Variants in CARF observed in about 807,000 individuals in gnomAD.
CARF encodes calcium responsive transcription factor.
In CARF, 57 loss-of-function variants were observed where a neutral mutation model predicts 82.0. The ratio of observed to expected loss-of-function variants is 0.70; its 90% confidence interval spans 0.56 to 0.87. The LOEUF is 0.87. Ranked by LOEUF, CARF falls within the 40% of genes least tolerant of loss-of-function variation. The pLI, the probability that CARF is intolerant of heterozygous loss-of-function variation, is 0.00. For synonymous variants in CARF, 268 were observed against 290.1 expected, an observed-to-expected ratio of 0.92 and a Z score of 0.77; for missense variants, 771 against 855.8, an observed-to-expected ratio of 0.90 and a Z score of 1.24.
Position 202,967,042 on chromosome 2 carries a change from A to T in CARF, c.897A>T (p.Lys299Asn), listed in dbSNP as rs371279548. Residue 299 changes from lysine (K) to asparagine (N), a missense_variant, in exon 10 of 17, where the codon AAA (lysine) becomes AAT (asparagine). Coordinates refer to ENST00000438828, the MANE Select transcript of CARF (RefSeq NM_024744.17). ...GPRRKGFQLK[K>N]VSEQESRSCQ... ...GAAGAAAAGGTTTCCAGTTAAAAAA[A>T]GTCAGTGAGCAGGAAAGCAGGTCTT... 2.5e-5 allele frequency: 40 copies of T among 1,614,128 alleles called. No individual in the cohort carries two copies. The highest frequency in any genetic ancestry group is 3.3e-5 in the Non-Finnish European group (39 of 1,180,010).
At chr2:202,940,827 A>G (rs2058195757) in intron 3 of CARF, among the ~76,000 whole-genome samples, 1 of 151,656 alleles carries the variant, frequency 6.6e-6, no homozygotes, top group Non-Finnish European at 1.5e-5. Context: ...GGGGGAGGGG[A>G]GGGCGGTCAC....
At chr2:202,969,323 C>G (rs142430256) in intron 10 of CARF, among the ~76,000 whole-genome samples, 198 of 152,182 alleles carry the variant, frequency 1.3e-3, no homozygotes, top group African/African-American at 4.6e-3. Context: ...TGCCTGTAAT[C>G]CCAGCACTTC....
At chr2:202,918,730 T>G (rs1388677327) in intron 2 of CARF, among the ~76,000 whole-genome samples, 1 of 152,136 alleles carries the variant, frequency 6.6e-6, no homozygotes, top group Admixed American at 6.5e-5. Flanking sequence ...AGGTAATACT[T>G]TTCACTGCAT....
rs1421584541 is a variant in CARF, at chr2:202,982,267, G to A, written c.1885G>A (p.Ala629Thr). Residue 629 changes from alanine to threonine, a missense_variant, in exon 16 of 17, where the codon GCC becomes ACC. Ala to Thr is a moderately conservative substitution (Grantham distance 58). Transcript: ENST00000438828. ...ATGCTTAACCCAAAACAATAGTACT[G>A]CCTCCACCATGGGTAACCTTCCAGA... is the stretch of plus-strand genomic sequence containing the variant. Reference protein sequence around the residue: ...DTCLTQNNSTASTMGNLPEPD... With the variant: ...DTCLTQNNSTTSTMGNLPEPD... 1 of 1,614,122 alleles carries A rather than the reference G, an allele frequency of 6.2e-7. No individual in the cohort carries two copies. The highest frequency in any genetic ancestry group is 8.5e-7 in the Non-Finnish European group (1 of 1,180,002).
rs2058285317 is a variant in CARF at position 202,942,671 on chromosome 2, AT to A, written c.79-64del. Reference sequence around the variant, plus strand: ...ACAACTGAAAAATGGATGTCTTTTCATTTTTATTATACACATCTTTAAAAAA... The same window carrying A: ...ACAACTGAAAAATGGATGTCTTTTCATTTTATTATACACATCTTTAAAAAA... On this transcript the variant is annotated intron_variant, in intron 4 of 16. Transcript: ENST00000438828. The A allele has an allele frequency of 2.4e-6, 3 of 1,238,004 alleles. No individual in the cohort carries two copies. In the East Asian group the frequency reaches 7.6e-5, roughly 31 times the overall value. 76.7% of individuals were successfully genotyped at this position (1,238,004 alleles called of 1,614,324 possible).
At chr2:202,963,383 G>A (rs1414612875) in intron 9 of CARF, among the ~76,000 whole-genome samples, 1 of 150,874 alleles carries the variant, frequency 6.6e-6, no homozygotes, top group Non-Finnish European at 1.5e-5. Context: ...GAATTTTTTT[G>A]GACCAGGTAT....
intron 3 of CARF, among the ~76,000 whole-genome samples, chr2:202,935,862 G>A (rs1445924994): frequency 1.3e-5 from 2 of 152,008 alleles, no homozygotes; most frequent in Admixed American, 1.3e-4. Flanking sequence ...TGTTGCACAC[G>A]CTGAATTGCA....
At position 202,974,611 on chromosome 2, in the gene CARF, A is replaced by G. The variant is rs189061736; in HGVS notation, c.1494+115A>G. The G allele has an allele frequency of 2.3e-5, 23 of 1,004,558 alleles. No homozygotes were observed. The East Asian group carries it at 5.8e-4, about 25-fold the overall frequency. The allele number at this position is 1,004,558 out of a possible 1,614,324, so 62.2% of individuals were successfully genotyped here. A position where few individuals can be genotyped will look rare whatever the true frequency, so the allele number is the denominator to read the frequency against. On this transcript the variant is annotated intron_variant, in intron 13 of 16. Coordinates refer to ENST00000438828, the MANE Select transcript of CARF (RefSeq NM_024744.17). ...CTGAATAACTGCAATATAAGCAAAT[A>G]CAATAGGCCGGGCGTGGTGGCTCAT...
intron 2 of CARF, among the ~76,000 whole-genome samples, chr2:202,921,633 A>G (rs566000079): frequency 6.6e-6 from 1 of 152,264 alleles, no homozygotes; most frequent in South Asian, 2.1e-4. Flanking sequence ...AGTCACTTGG[A>G]TGTGTAGTAA....
chr2:202,930,146 C>T (rs1459145525), intron 3 of CARF, among the ~76,000 whole-genome samples: 2 of 152,096 alleles, frequency 1.3e-5, no homozygotes, highest in African/African-American at 4.8e-5. Context: ...CTCCTGGGCT[C>T]AAGCGATTCT....
chr2:202,980,407 TGA>T (rs2060199638), intron 14 of CARF, among the ~76,000 whole-genome samples: 1 of 151,624 alleles, frequency 6.6e-6, no homozygotes, highest in Non-Finnish European at 1.5e-5. Context: ...TATACCAAAA[TGA>T]GTTATTGAAA....
At chr2:202,927,800 CTTTTTT>C (rs766636748) in intron 3 of CARF, among the ~76,000 whole-genome samples, 1 of 138,052 alleles carries the variant, frequency 7.2e-6, no homozygotes, top group African/African-American at 2.6e-5. Flanking sequence ...ATCTAGCTGT[CTTTTTT>C]TTTTTTTTTT....
At chr2:202,948,856 T>G (rs2058624291) in intron 5 of CARF, among the ~76,000 whole-genome samples, 1 of 152,178 alleles carries the variant, frequency 6.6e-6, no homozygotes, top group Non-Finnish European at 1.5e-5. Context: ...CTTGCCTGAT[T>G]GCTTTGGCCG....
At chr2:202,976,924 G>C (rs1266281490) in intron 13 of CARF, among the ~76,000 whole-genome samples, 1 of 151,976 alleles carries the variant, frequency 6.6e-6, no homozygotes, top group Non-Finnish European at 1.5e-5. Flanking sequence ...TGCCCAGGCT[G>C]GTCTCAAACT....
At chr2:202,981,506 T>C in intron 14 of CARF, 49 bp from the exon 15 acceptor site, 1 of 1,308,488 alleles carries the variant, frequency 7.6e-7, no homozygotes. Context: ...TTTTATGACT[T>C]CATAGAAGCC....
At chr2:202,968,116 A>C (rs1211995203) in intron 10 of CARF, among the ~76,000 whole-genome samples, 1 of 152,154 alleles carries the variant, frequency 6.6e-6, no homozygotes, top group Non-Finnish European at 1.5e-5. Flanking sequence ...ATACCTTAGC[A>C]TTCTTGGCCG....
Position 202,967,435 on chromosome 2 carries a change from C to G in CARF, c.953+337C>G, listed in dbSNP as rs1414089061. On this transcript the variant is annotated intron_variant, in intron 10 of 16. Coordinates refer to ENST00000438828, the MANE Select transcript of CARF (RefSeq NM_024744.17). ...TGTACCTTTTTTCTTGATATGAATTCACATAGATTTATTCTCAATCTGAAT... is the reference window on the plus strand; with the variant it reads ...TGTACCTTTTTTCTTGATATGAATTGACATAGATTTATTCTCAATCTGAAT... Among the ~76,000 whole-genome samples the G allele has an allele frequency of 3.3e-5, 5 of 152,222 alleles. No individual in the cohort carries two copies. The East Asian group carries it at 9.7e-4, about 29-fold the overall frequency.
intron 13 of CARF, among the ~76,000 whole-genome samples, chr2:202,975,090 C>G (rs1048396481): frequency 6.6e-6 from 1 of 152,074 alleles, no homozygotes; most frequent in African/African-American, 2.4e-5. Context: ...GCGGGCAGAT[C>G]ACCTGAGGTC....
rs1485056960 is a variant in CARF, at chr2:202,979,864, A to G, written c.1559-1691A>G. Among the ~76,000 whole-genome samples, 5 of 152,156 alleles carry G rather than the reference A, an allele frequency of 3.3e-5. 1 individual carries two copies. Among genetic ancestry groups the G allele is most frequent in the Admixed American group, 3.3e-4 (5 of 15,270 alleles). On this transcript the variant is annotated intron_variant, in intron 14 of 16. Coordinates refer to ENST00000438828, the MANE Select transcript of CARF (RefSeq NM_024744.17). ...ATAGCGTATTGAAGGTGACACAGAA[A>G]GCCAGTGCTTAAATCCATTCTTCTC...
Sources: gnomAD v4.1 joint callset for allele counts (sites outside exome capture counted in the v4.1 genomes callset) on GRCh38, gnomAD v4.1.1 for gene constraint, MANE v1.5 for transcripts, NCBI Gene and HGNC (gene_info 2026-07-23, HGNC 2026-07-21) for gene names.